RIT2: variants seen among roughly 807,000 people sequenced by gnomAD.
The protein encoded by RIT2 is Ras like without CAAX 2.
In RIT2, 24 loss-of-function variants were observed where a neutral mutation model predicts 23.7. The observed-to-expected ratio is 1.01, with a 90% CI of 0.73 to 1.43. The LOEUF (loss-of-function observed/expected upper bound fraction) is 1.43. Ranked by LOEUF, RIT2 falls within the 40% of genes most tolerant of loss-of-function variation. The pLI is 0.00. For synonymous variants in RIT2, 107 were observed against 91.1 expected, an observed-to-expected ratio of 1.17 and a Z score of -0.99; for missense variants, 236 against 266.9, an observed-to-expected ratio of 0.88 and a Z score of 0.81.
intron 4 of RIT2, among the ~76,000 whole-genome samples, chr18:42,856,779 A>G (rs1807324710): frequency 6.6e-6 from 1 of 151,562 alleles, no homozygotes; most frequent in African/African-American, 2.4e-5. Context: ...CTTTCCCAAG[A>G]AGATATTTGG....
chr18:42,838,619 AT>A (rs1344703951), intron 4 of RIT2, among the ~76,000 whole-genome samples: 7 of 152,190 alleles, frequency 4.6e-5, no homozygotes, highest in Admixed American at 3.3e-4. Flanking sequence ...AAGAGGCAGC[AT>A]TAGTACAAAG....
chr18:43,055,411 G>GT (rs1217466861), intron 1 of RIT2, among the ~76,000 whole-genome samples: 1 of 152,060 alleles, frequency 6.6e-6, no homozygotes, highest in Non-Finnish European at 1.5e-5. Context: ...TGACAACTCT[G>GT]TATCAAAAGC....
At chr18:42,989,780 C>T (rs1910796708) in intron 2 of RIT2, among the ~76,000 whole-genome samples, 2 of 152,050 alleles carry the variant, frequency 1.3e-5, no homozygotes, top group South Asian at 4.2e-4. Context: ...TCTTCGTGGC[C>T]TTTTTGATTA....
At chr18:43,038,323 T>C (rs1912038876) in intron 1 of RIT2, among the ~76,000 whole-genome samples, 1 of 151,532 alleles carries the variant, frequency 6.6e-6, no homozygotes, top group African/African-American at 2.4e-5. Context: ...GTTTTTTTTT[T>C]TTTTTACATA....
At chr18:42,978,108 C>A (rs1910514068) in intron 2 of RIT2, among the ~76,000 whole-genome samples, 1 of 151,750 alleles carries the variant, frequency 6.6e-6, no homozygotes, top group Non-Finnish European at 1.5e-5. Flanking sequence ...CTCAAAGCCC[C>A]AAAGAAGAGC....
chr18:43,100,099 T>C (rs189707351), intron 1 of RIT2, among the ~76,000 whole-genome samples: 1 of 152,136 alleles, frequency 6.6e-6, no homozygotes, highest in African/African-American at 2.4e-5. Context: ...TGGAAAGCAA[T>C]AGGTGCTATA....
intron 4 of RIT2, among the ~76,000 whole-genome samples, chr18:42,804,617 A>G (rs968248700): frequency 6.6e-6 from 1 of 151,524 alleles, no homozygotes; most frequent in Non-Finnish European, 1.5e-5. Context: ...AGATAAATGC[A>G]TTCTAGGTAT....
At chr18:42,817,930 A>G (rs1906043224) in intron 4 of RIT2, among the ~76,000 whole-genome samples, 1 of 152,024 alleles carries the variant, frequency 6.6e-6, no homozygotes, top group Non-Finnish European at 1.5e-5. Context: ...TAGAAAAATT[A>G]TATTATTTTG....
chr18:42,963,640 C>T (rs559783189), intron 3 of RIT2, among the ~76,000 whole-genome samples: 8 of 152,134 alleles, frequency 5.3e-5, no homozygotes, highest in Non-Finnish European at 8.8e-5. Flanking sequence ...TATCTGTAAT[C>T]GCTGCACTTT....
At chr18:42,993,168 C>T (rs1050562333) in intron 2 of RIT2, among the ~76,000 whole-genome samples, 3 of 152,340 alleles carry the variant, frequency 2.0e-5, no homozygotes, top group African/African-American at 7.2e-5. Context: ...GAAATCTGGC[C>T]ACTGGGCCAA....
chr18:42,909,723 C>A (rs935702410), intron 4 of RIT2, among the ~76,000 whole-genome samples: 1 of 151,650 alleles, frequency 6.6e-6, no homozygotes, highest in Non-Finnish European at 1.5e-5. Context: ...AATCAAATCA[C>A]CCTAATACAA....
intron 1 of RIT2, among the ~76,000 whole-genome samples, chr18:43,112,456 T>A (rs1913975593): frequency 6.6e-6 from 1 of 152,246 alleles, no homozygotes; most frequent in Admixed American, 6.5e-5. Flanking sequence ...ACGTGCTCAG[T>A]AAACTTTATT....
intron 4 of RIT2, among the ~76,000 whole-genome samples, chr18:42,810,331 C>T (rs780638336): frequency 1.1e-4 from 16 of 151,722 alleles, no homozygotes; most frequent in Non-Finnish European, 2.2e-4. Context: ...CTCTAGTGCA[C>T]TTGCAAAGTA....
chr18:42,928,138 G>T (rs1909229755), intron 3 of RIT2, among the ~76,000 whole-genome samples: 1 of 151,844 alleles, frequency 6.6e-6, no homozygotes, highest in African/African-American at 2.4e-5. Flanking sequence ...GTCCACATTT[G>T]TTCTCCTTAT....
intron 4 of RIT2, among the ~76,000 whole-genome samples, chr18:42,807,548 C>T (rs1209024201): frequency 6.6e-6 from 1 of 152,122 alleles, no homozygotes; most frequent in Non-Finnish European, 1.5e-5. Context: ...ACCCGGGAAG[C>T]AGAGGTTGCA....
intron 4 of RIT2, among the ~76,000 whole-genome samples, chr18:42,761,524 C>A (rs889153002): frequency 6.6e-6 from 1 of 152,108 alleles, no homozygotes; most frequent in Non-Finnish European, 1.5e-5. Context: ...AACCTGACCC[C>A]TATTTCCAAA....
At chr18:42,831,480 A>G (rs1401867088) in intron 4 of RIT2, among the ~76,000 whole-genome samples, 2 of 152,096 alleles carry the variant, frequency 1.3e-5, no homozygotes, top group African/African-American at 4.8e-5. Flanking sequence ...ATCCATTGTT[A>G]CTTTGGGCAC....
At chr18:42,965,711 C>CTTGTTTTTTTTT (rs1910202909) in intron 3 of RIT2, among the ~76,000 whole-genome samples, 1 of 37,770 alleles carries the variant, frequency 2.6e-5, no homozygotes, top group Non-Finnish European at 5.3e-5. Context: ...GTACTGATGG[C>CTTGTTTTTTTTT]TTTTTTTTTT....
At chr18:42,960,439 T>G (rs375270638) in intron 3 of RIT2, among the ~76,000 whole-genome samples, 3 of 152,246 alleles carry the variant, frequency 2.0e-5, no homozygotes, top group African/African-American at 7.2e-5. Context: ...CTCTGCCTCC[T>G]GAGTAGCTGG....
Sources: gnomAD v4.1 joint callset for allele counts (sites outside exome capture counted in the v4.1 genomes callset) on GRCh38, gnomAD v4.1.1 for gene constraint, MANE v1.5 for transcripts, NCBI Gene and HGNC (gene_info 2026-07-23, HGNC 2026-07-21) for gene names.